The following PPP2R2C variants were observed in gnomAD, a reference collection of about 807,000 sequenced individuals.
The protein encoded by PPP2R2C is protein phosphatase 2, regulatory subunit B, gamma.
PPP2R2C carries 10 observed loss-of-function variants against 45.3 expected under a neutral mutation model. The observed-to-expected ratio is 0.22, with a 90% CI of 0.14 to 0.37. PPP2R2C has a LOEUF of 0.37. Among genes scored for constraint, PPP2R2C ranks in the 10% least tolerant of loss-of-function variants. The probability of loss-of-function intolerance (pLI) is 1.00; values close to 1 mark genes in which losing one functional copy is unlikely to be tolerated. For missense variants in PPP2R2C, 308 were observed against 619.7 expected, an observed-to-expected ratio of 0.50 and a Z score of 5.34; for synonymous variants, 257 against 245.4, an observed-to-expected ratio of 1.05 and a Z score of -0.44.
intron 2 of PPP2R2C, among the ~76,000 whole-genome samples, chr4:6,495,370 C>G (rs1014182677): frequency 6.6e-6 from 1 of 152,214 alleles, no homozygotes; most frequent in Non-Finnish European, 1.5e-5. Context: ...CCAGCACCCA[C>G]GAAAACAGTG....
chr4:6,360,351 G>T (rs1713616198), intron 5 of PPP2R2C, among the ~76,000 whole-genome samples: 1 of 152,268 alleles, frequency 6.6e-6, no homozygotes, highest in Non-Finnish European at 1.5e-5. Flanking sequence ...TGCCAGGCTG[G>T]CTGGACTGGC....
At chr4:6,326,595 G>A (rs1247711030) in intron 8 of PPP2R2C, among the ~76,000 whole-genome samples, 3 of 152,178 alleles carry the variant, frequency 2.0e-5, no homozygotes, top group African/African-American at 4.8e-5. Flanking sequence ...CTGCGCATAC[G>A]AACTGGGATC....
At chr4:6,370,907 T>G (rs1714762902) in intron 5 of PPP2R2C, among the ~76,000 whole-genome samples, 1 of 152,198 alleles carries the variant, frequency 6.6e-6, no homozygotes, top group South Asian at 2.1e-4. Flanking sequence ...GCTTCAAGCC[T>G]TCAAAGCAGC....
intron 1 of PPP2R2C, among the ~76,000 whole-genome samples, chr4:6,404,253 C>A (rs1023884178): frequency 6.6e-6 from 1 of 152,152 alleles, no homozygotes; most frequent in Non-Finnish European, 1.5e-5. Flanking sequence ...CCCCAAAGCC[C>A]GGCTGAAGGT....
intron 6 of PPP2R2C, among the ~76,000 whole-genome samples, chr4:6,339,188 C>A (rs1397017258): frequency 6.6e-6 from 1 of 152,278 alleles, no homozygotes; most frequent in African/African-American, 2.4e-5. Context: ...TGCCCCCAAG[C>A]CGCTGGGTAC....
At chr4:6,493,697 A>T (rs1722785357) in intron 2 of PPP2R2C, among the ~76,000 whole-genome samples, 1 of 151,984 alleles carries the variant, frequency 6.6e-6, no homozygotes, top group African/African-American at 2.4e-5. Flanking sequence ...ACACCCTTGA[A>T]GGACGGCAGA....
At chr4:6,440,850 G>A (rs1043717637) in intron 1 of PPP2R2C, among the ~76,000 whole-genome samples, 4 of 152,204 alleles carry the variant, frequency 2.6e-5, no homozygotes, top group Non-Finnish European at 5.9e-5. Flanking sequence ...GAAGTGATTA[G>A]GAAGTGTTGC....
intron 2 of PPP2R2C, among the ~76,000 whole-genome samples, chr4:6,518,749 C>G (rs1370748822): frequency 6.6e-6 from 1 of 151,544 alleles, no homozygotes; most frequent in South Asian, 2.1e-4. Flanking sequence ...GTGGTGAAAC[C>G]CCATCTCTAC....
chr4:6,418,711 T>C (rs965015494), intron 1 of PPP2R2C, among the ~76,000 whole-genome samples: 1 of 152,208 alleles, frequency 6.6e-6, no homozygotes, highest in Non-Finnish European at 1.5e-5. Context: ...CAATGGTGTG[T>C]CATGGAAGTC....
At chr4:6,526,631 G>A (rs1188972059) in intron 2 of PPP2R2C, among the ~76,000 whole-genome samples, 5 of 152,178 alleles carry the variant, frequency 3.3e-5, no homozygotes, top group African/African-American at 9.7e-5. Flanking sequence ...CAGCGAGAAT[G>A]TCCATCCATC....
chr4:6,512,475 A>G (rs28489627), intron 2 of PPP2R2C, among the ~76,000 whole-genome samples: 929 of 12,238 alleles, frequency 0.076, no homozygotes, highest in Middle Eastern at 0.25. Context: ...TTATGGTGGT[A>G]GTGGTGGTGA....
At chr4:6,456,190 A>C (rs904901197) in intron 1 of PPP2R2C, among the ~76,000 whole-genome samples, 2 of 152,260 alleles carry the variant, frequency 1.3e-5, no homozygotes, top group African/African-American at 4.8e-5. Flanking sequence ...AAATGTTGAC[A>C]GTGCATTTAA....
intron 5 of PPP2R2C, among the ~76,000 whole-genome samples, chr4:6,369,988 G>C (rs1714668465): frequency 6.6e-6 from 1 of 152,194 alleles, no homozygotes; most frequent in Non-Finnish European, 1.5e-5. Context: ...AGGGCTTTAT[G>C]GTTCTTTAGA....
chr4:6,325,570 G>A (rs1288760900), intron 8 of PPP2R2C, among the ~76,000 whole-genome samples: 1 of 152,168 alleles, frequency 6.6e-6, no homozygotes, highest in Non-Finnish European at 1.5e-5. Context: ...GATCCATTTA[G>A]TGGAAGGAGA....
intron 1 of PPP2R2C, among the ~76,000 whole-genome samples, chr4:6,468,512 A>G (rs1721697681): frequency 6.6e-6 from 1 of 152,186 alleles, no homozygotes; most frequent in South Asian, 2.1e-4. Flanking sequence ...AACAAGGGGA[A>G]GCTGTGCCTC....
chr4:6,382,504 T>C (rs745713175), intron 1 of PPP2R2C: 22 of 1,351,942 alleles, frequency 1.6e-5, no homozygotes, highest in Admixed American at 5.7e-5. Flanking sequence ...AAACCCTTCA[T>C]TGGTCACCAT....
chr4:6,517,097 C>T (rs1186069632), intron 2 of PPP2R2C, among the ~76,000 whole-genome samples: 2 of 152,166 alleles, frequency 1.3e-5, no homozygotes, highest in Non-Finnish European at 2.9e-5. Flanking sequence ...CAGCCCCAGG[C>T]GGGAGGGAGA....
At position 6,332,258 on chromosome 4, in the gene PPP2R2C, A is replaced by C. The variant is rs1732466769; in HGVS notation, c.960+1304T>G. Among the ~76,000 whole-genome samples, 1 of 152,196 alleles carries C rather than the reference A, an allele frequency of 6.6e-6. No individual in the cohort carries two copies. The highest frequency in any genetic ancestry group is 1.9e-4 in the East Asian group (1 of 5,186). On this transcript the variant is annotated intron_variant, in intron 7 of 8. Coordinates refer to ENST00000382599, the MANE Select transcript of PPP2R2C (RefSeq NM_020416.4). This position sits in a 1 kb window ranked among gnomAD's most constrained non-coding sequence, Gnocchi z 4.9. ...GAGGGAGCCAGAGAGTTGCTCCTGCAGGCTTGAGCCGGGCTTATCCTGTCC... is the reference window on the plus strand; with the variant it reads ...GAGGGAGCCAGAGAGTTGCTCCTGCCGGCTTGAGCCGGGCTTATCCTGTCC...
At chr4:6,426,798 G>A (rs1158874151) in intron 1 of PPP2R2C, among the ~76,000 whole-genome samples, 3 of 152,190 alleles carry the variant, frequency 2.0e-5, no homozygotes, top group Admixed American at 2.0e-4. Flanking sequence ...AGCCACAGGG[G>A]CAGGTGAGGC....
Sources: allele counts gnomAD v4.1 joint callset (sites outside exome capture counted in the v4.1 genomes callset), GRCh38; gene constraint gnomAD v4.1.1; non-coding constraint Gnocchi (gnomAD v3.1); transcripts MANE v1.5; gene names NCBI Gene and HGNC (gene_info 2026-07-23, HGNC 2026-07-21).